Variants in GALNT7 observed in about 807,000 individuals in gnomAD.
GALNT7 encodes the protein N-acetylgalactosaminyltransferase 7.
Under a neutral mutation model 82.1 loss-of-function variants are expected in GALNT7, and 60 were observed. The ratio of observed to expected loss-of-function variants is 0.73; its 90% CI spans 0.59 to 0.91. The LOEUF is 0.91. GALNT7 is among the 40% of genes least tolerant of loss of function. The pLI, the probability that GALNT7 is intolerant of heterozygous loss-of-function variation, is 0.00. For missense variants in GALNT7, 660 were observed against 804.2 expected, an observed-to-expected ratio of 0.82 and a Z score of 2.17; for synonymous variants, 243 against 275.1, an observed-to-expected ratio of 0.88 and a Z score of 1.15.
intron 8 of GALNT7, among the ~76,000 whole-genome samples, chr4:173,312,764 G>T (rs959667221): frequency 6.6e-6 from 1 of 152,222 alleles, no homozygotes; most frequent in African/African-American, 2.4e-5. Context: ...TTTTCTTAAA[G>T]TGAACCAACT....
chr4:173,279,314 C>T (rs1420164664), intron 2 of GALNT7, among the ~76,000 whole-genome samples: 3 of 151,948 alleles, frequency 2.0e-5, no homozygotes, highest in Non-Finnish European at 1.5e-5. Context: ...TTTAAACAAC[C>T]AAATCTCACC....
chr4:173,295,646 CTT>C, intron 4 of GALNT7, 116 bp from the exon 5 acceptor site: 1 of 1,160,964 alleles, frequency 8.6e-7, no homozygotes, highest in Non-Finnish European at 1.3e-6. Flanking sequence ...AAACAGATAA[CTT>C]ATGTGTCAGA....
intron 2 of GALNT7, among the ~76,000 whole-genome samples, chr4:173,267,025 G>T (rs1326055362): frequency 3.3e-5 from 5 of 151,862 alleles, no homozygotes; most frequent in Non-Finnish European, 7.4e-5. Context: ...GACAGCAGGT[G>T]ACCATAGTTA....
chr4:173,236,481 T>C (rs932563858), intron 1 of GALNT7, among the ~76,000 whole-genome samples: 9 of 152,194 alleles, frequency 5.9e-5, no homozygotes, highest in Non-Finnish European at 1.2e-4. Context: ...CGAGTACTCA[T>C]TCCAAAATTC....
intron 1 of GALNT7, among the ~76,000 whole-genome samples, chr4:173,234,088 G>C (rs995874118): frequency 6.6e-6 from 1 of 152,086 alleles, no homozygotes; most frequent in Admixed American, 6.5e-5. Context: ...TCCTCATCTT[G>C]CTTGGCTTCT....
At chr4:173,205,004 C>T (rs1471858181) in intron 1 of GALNT7, among the ~76,000 whole-genome samples, 2 of 152,212 alleles carry the variant, frequency 1.3e-5, no homozygotes, top group Admixed American at 6.5e-5. Flanking sequence ...AGATTCTGAG[C>T]AGGTCATCTG....
chr4:173,257,163 T>C (rs60612649), intron 2 of GALNT7, among the ~76,000 whole-genome samples: 12,490 of 152,238 alleles, frequency 0.082, 1,521 homozygotes, highest in African/African-American at 0.27. Flanking sequence ...TAGGGGAGGC[T>C]TCCTTCCTCT....
chr4:173,209,779 G>T (rs1343884617), intron 1 of GALNT7, among the ~76,000 whole-genome samples: 57 of 152,308 alleles, frequency 3.7e-4, no homozygotes, highest in Non-Finnish European at 7.2e-4. Context: ...CCGGGTGCCA[G>T]CACAAAGTTT....
Position 173,320,375 on chromosome 4 carries a change from C to T in GALNT7, c.1837-1205C>T, listed in dbSNP as rs1208435606. 6.6e-6 allele frequency among the ~76,000 whole-genome samples: 1 copy of T among 151,948 alleles called. No homozygotes were observed. The highest frequency in any genetic ancestry group is 1.5e-5 in the Non-Finnish European group (1 of 67,986). ...TTCATCTAAAAGTAATAATAATATA[C>T]TTATTAAACATTAATGTAAATGACA... is the stretch of plus-strand genomic sequence containing the variant. On this transcript the variant is annotated intron_variant, in intron 11 of 11. Coordinates refer to ENST00000265000, the MANE Select transcript of GALNT7 (RefSeq NM_017423.3). The surrounding 1 kb of genome is among the most constrained non-coding windows in gnomAD (Gnocchi z 4.1).
chr4:173,307,716 T>TA (rs1737211436), intron 8 of GALNT7, among the ~76,000 whole-genome samples: 1 of 152,174 alleles, frequency 6.6e-6, no homozygotes, highest in African/African-American at 2.4e-5. Context: ...ATGAACGAAC[T>TA]ATAGCAATGG....
chr4:173,238,538 G>T (rs1734307724), intron 1 of GALNT7, among the ~76,000 whole-genome samples: 1 of 152,122 alleles, frequency 6.6e-6, no homozygotes. Context: ...TGTCATACGT[G>T]CTCTTACCAC....
At chr4:173,270,700 A>G (rs1735690399) in intron 2 of GALNT7, among the ~76,000 whole-genome samples, 1 of 152,268 alleles carries the variant, frequency 6.6e-6, no homozygotes, top group Non-Finnish European at 1.5e-5. Flanking sequence ...ACTGGAATTC[A>G]GAAGCTCTGG....
intron 1 of GALNT7, among the ~76,000 whole-genome samples, chr4:173,178,651 A>G (rs1482126126): frequency 6.6e-6 from 1 of 152,228 alleles, no homozygotes; most frequent in Non-Finnish European, 1.5e-5. Context: ...GACCTGATTC[A>G]CTTCACTGAA....
chr4:173,239,054 G>A (rs751095701), intron 1 of GALNT7, among the ~76,000 whole-genome samples: 1 of 152,140 alleles, frequency 6.6e-6, no homozygotes, highest in Non-Finnish European at 1.5e-5. Flanking sequence ...GGAACTGTTT[G>A]CAAGATAAAT....
At chr4:173,267,754 T>C (rs754873465) in intron 2 of GALNT7, among the ~76,000 whole-genome samples, 1 of 151,996 alleles carries the variant, frequency 6.6e-6, no homozygotes, top group Non-Finnish European at 1.5e-5. Flanking sequence ...TGGTTTCCTC[T>C]TCTAGCAATT....
intron 1 of GALNT7, among the ~76,000 whole-genome samples, chr4:173,243,409 A>G (rs1002180871): frequency 6.6e-6 from 1 of 152,066 alleles, no homozygotes; most frequent in Non-Finnish European, 1.5e-5. Flanking sequence ...TTATCTACTC[A>G]TCCTCTTTTC....
At chr4:173,318,711 A>G in intron 11 of GALNT7, 152 bp downstream of exon 11, 1 of 547,776 alleles carries the variant, frequency 1.8e-6, no homozygotes, top group South Asian at 2.2e-5. Context: ...TTTCCTGAGC[A>G]CTGGATGACT....
In GALNT7 at chr4:173,248,345, A is replaced by G; in HGVS notation, c.492A>G (p.Gln164=). The G allele has an allele frequency of 4.3e-6, 7 of 1,613,870 alleles. No individual in the cohort carries two copies. Among genetic ancestry groups the G allele is most frequent in the Non-Finnish European group, 5.9e-6 (7 of 1,179,802 alleles). Reference sequence around the variant, plus strand: ...TGGTTTTGGGACCAGAATTCAAACAAGCAATTCAAGCCAGCATTAAAGAGT... The same window carrying G: ...TGGTTTTGGGACCAGAATTCAAACAGGCAATTCAAGCCAGCATTAAAGAGT... ...KPLVLGPEFK[Q]AIQASIKEFG... is the part of the protein sequence containing the mutation. Residue 164 remains glutamine, a synonymous_variant, in exon 2 of 12, where the codon CAA becomes CAG. Transcript: ENST00000265000.
At chr4:173,304,370 C>T (rs185337252) in intron 8 of GALNT7, among the ~76,000 whole-genome samples, 3 of 151,702 alleles carry the variant, frequency 2.0e-5, no homozygotes, top group Non-Finnish European at 2.9e-5. Flanking sequence ...CTGCACTCCC[C>T]GCTGGATGAC....
Sources: gnomAD v4.1 joint callset for allele counts (sites outside exome capture counted in the v4.1 genomes callset) on GRCh38, gnomAD v4.1.1 for gene constraint, Gnocchi (gnomAD v3.1) non-coding constraint, MANE v1.5 for transcripts, NCBI Gene and HGNC (gene_info 2026-07-23, HGNC 2026-07-21) for gene names.